WASF2: variants seen among roughly 807,000 people sequenced by gnomAD.
WASF2 encodes the protein actin-binding protein WASF2.
In WASF2, 14 loss-of-function variants were observed where a neutral mutation model predicts 45.0. The ratio of observed to expected loss-of-function variants is 0.31; its 90% CI spans 0.21 to 0.49. The LOEUF (loss-of-function observed/expected upper bound fraction) is 0.49, where lower values mean the gene tolerates loss of function less well. WASF2 is among the 20% of genes least tolerant of loss of function. WASF2 has a pLI of 0.99. For missense variants in WASF2, 439 were observed against 636.1 expected (o/e 0.69, Z 3.33); for synonymous variants, 200 against 236.3 (o/e 0.85, Z 1.41).
chr1:27,428,683 A>ACG, intron 2 of WASF2, 78 bp downstream of exon 2: 1 of 1,606,710 alleles, frequency 6.2e-7, no homozygotes, highest in Non-Finnish European at 8.5e-7. Flanking sequence ...AGAAATAGGA[A>ACG]CGCGGGAGGA....
intron 1 of WASF2, among the ~76,000 whole-genome samples, chr1:27,443,688 G>A (rs1225754513): frequency 6.6e-6 from 1 of 152,174 alleles, no homozygotes; most frequent in East Asian, 1.9e-4. Context: ...AGGATTTCTT[G>A]AGCCACTAGC....
intron 1 of WASF2, among the ~76,000 whole-genome samples, chr1:27,474,066 T>C (rs1001947610): frequency 6.6e-6 from 1 of 152,168 alleles, no homozygotes. Context: ...ACGTGCAAAC[T>C]ACACAGACAG....
At chr1:27,429,788 A>T (rs2017036674) in intron 1 of WASF2, among the ~76,000 whole-genome samples, 1 of 152,142 alleles carries the variant, frequency 6.6e-6, no homozygotes, top group Non-Finnish European at 1.5e-5. Context: ...AAAAAAAAAA[A>T]AAAAGTATAG....
chr1:27,485,961 C>G (rs530809079), intron 1 of WASF2, among the ~76,000 whole-genome samples: 2 of 152,202 alleles, frequency 1.3e-5, no homozygotes, highest in Non-Finnish European at 2.9e-5. Context: ...CTGCCCGCCT[C>G]GGCCTCCCAG....
chr1:27,420,482 AGTG>A (rs1470505864), intron 2 of WASF2, among the ~76,000 whole-genome samples: 5 of 149,256 alleles, frequency 3.3e-5, no homozygotes, highest in African/African-American at 1.2e-4. Flanking sequence ...AGGAATGAAA[AGTG>A]GTGCATACAA....
At chr1:27,482,605 T>A (rs115320272) in intron 1 of WASF2, among the ~76,000 whole-genome samples, 3,773 of 152,288 alleles carry the variant, frequency 0.025, 154 homozygotes, top group African/African-American at 0.085. Flanking sequence ...GAAATTAAAT[T>A]TACATAGATC....
intron 1 of WASF2, among the ~76,000 whole-genome samples, chr1:27,443,620 C>CA (rs1385619434): frequency 1.1e-4 from 16 of 150,356 alleles, no homozygotes; most frequent in African/African-American, 2.4e-4. Context: ...CCTCAAAAAA[C>CA]AAAAAAAAAT....
chr1:27,487,628 CAATATATAATATATATTATATATTATAT>C (rs2017957968), intron 1 of WASF2, among the ~76,000 whole-genome samples: 1 of 65,044 alleles, frequency 1.5e-5, no homozygotes, highest in Non-Finnish European at 2.6e-5. Flanking sequence ...ATATTTTATA[CAATATATAATATATATTATATATTATAT>C]AATATATATT....
At chr1:27,466,538 G>A (rs572370509) in intron 1 of WASF2, among the ~76,000 whole-genome samples, 6 of 152,310 alleles carry the variant, frequency 3.9e-5, no homozygotes, top group Non-Finnish European at 8.8e-5. Context: ...GATATGTGCC[G>A]TAAGTGCAAA....
At chr1:27,457,980 C>G (rs2017495158) in intron 1 of WASF2, among the ~76,000 whole-genome samples, 3 of 151,916 alleles carry the variant, frequency 2.0e-5, no homozygotes, top group Non-Finnish European at 4.4e-5. Flanking sequence ...TTCTTTTGGA[C>G]AGGAGATTGT....
At chr1:27,431,660 C>T (rs1421095844) in intron 1 of WASF2, among the ~76,000 whole-genome samples, 1 of 152,202 alleles carries the variant, frequency 6.6e-6, no homozygotes, top group Non-Finnish European at 1.5e-5. Context: ...TGGACTTTCC[C>T]TCTGGATACC....
chr1:27,482,555 T>C (rs377457576), intron 1 of WASF2, among the ~76,000 whole-genome samples: 1 of 152,198 alleles, frequency 6.6e-6, no homozygotes, highest in African/African-American at 2.4e-5. Context: ...GTAGTAATAG[T>C]CCAGTAGTTC....
Position 27,410,852 on chromosome 1 carries a change from T to G in WASF2, c.825-646A>C, listed in dbSNP as rs2148098100. On this transcript the variant is annotated intron_variant, in intron 7 of 8. Coordinates refer to ENST00000618852, the MANE Select transcript of WASF2 (RefSeq NM_006990.5). The surrounding 1 kb of genome is among the most constrained non-coding windows in gnomAD (Gnocchi z 4.2). ...GGAAATGAATGTGCCACCAGACTCCTGACCCAGGCCTGAAAGAGGATTAAA... is the reference window on the plus strand; with the variant it reads ...GGAAATGAATGTGCCACCAGACTCCGGACCCAGGCCTGAAAGAGGATTAAA... 6.6e-6 allele frequency among the ~76,000 whole-genome samples: 1 copy of G among 152,310 alleles called. No homozygotes were observed.
In WASF2 at chr1:27,412,692, A is replaced by G. The variant is rs759210822; in HGVS notation, c.704T>C (p.Ile235Thr). The G allele has an allele frequency of 1.7e-5, 28 of 1,614,192 alleles. No homozygotes were observed. In the Middle Eastern group the frequency reaches 4.9e-4, roughly 29 times the overall value. ...TGCATCCACGTTTTCAACACAGCCA[A>G]TGCTGCCATTCTGGTACACCAAAGT... ...PPTLVYQNGSIGCVENVDASS... is the reference protein window; with the variant it reads ...PPTLVYQNGSTGCVENVDASS... The change falls in exon 7 of 9, where the codon ATT becomes ACT. Residue 235 changes from isoleucine to threonine, a missense_variant. Coordinates refer to ENST00000618852, the MANE Select transcript of WASF2 (RefSeq NM_006990.5).
chr1:27,446,165 T>G (rs980155462), intron 1 of WASF2, among the ~76,000 whole-genome samples: 2 of 152,158 alleles, frequency 1.3e-5, no homozygotes, highest in Non-Finnish European at 2.9e-5. Context: ...TTTACTAGAT[T>G]TAATATCTTA....
At chr1:27,452,429 C>CT (rs1343976258) in intron 1 of WASF2, among the ~76,000 whole-genome samples, 4 of 152,160 alleles carry the variant, frequency 2.6e-5, no homozygotes, top group Admixed American at 2.6e-4. Context: ...AGGAGAATCG[C>CT]TTGAACCAGG....
At chr1:27,418,658 G>A (rs1385753995) in intron 3 of WASF2, among the ~76,000 whole-genome samples, 1 of 152,170 alleles carries the variant, frequency 6.6e-6, no homozygotes, top group Non-Finnish European at 1.5e-5. Context: ...AGATCTAGCA[G>A]GCCTCTCCTT....
intron 1 of WASF2, among the ~76,000 whole-genome samples, chr1:27,448,368 G>T (rs1375564480): frequency 6.6e-6 from 1 of 152,122 alleles, no homozygotes; most frequent in Non-Finnish European, 1.5e-5. Flanking sequence ...TGACTAGATC[G>T]TACTCAAAGC....
At chr1:27,484,966 T>C (rs998773871) in intron 1 of WASF2, among the ~76,000 whole-genome samples, 5 of 151,022 alleles carry the variant, frequency 3.3e-5, no homozygotes, top group African/African-American at 1.2e-4. Flanking sequence ...CCTGGCCAAC[T>C]TGGAGAAACC....
Sources: gnomAD v4.1 joint callset for allele counts (sites outside exome capture counted in the v4.1 genomes callset) on GRCh38, gnomAD v4.1.1 for gene constraint, Gnocchi (gnomAD v3.1) non-coding constraint, MANE v1.5 for transcripts, NCBI Gene and HGNC (gene_info 2026-07-23, HGNC 2026-07-21) for gene names.